ETF1: variants seen among roughly 807,000 people sequenced by gnomAD.
The protein encoded by ETF1 is eukaryotic translation termination factor 1.
In ETF1, 4 loss-of-function variants were observed where a neutral mutation model predicts 55.1. The ratio of observed to expected loss-of-function variants is 0.07; its 90% confidence interval spans 0.04 to 0.17. The LOEUF is 0.17. Among genes scored for constraint, ETF1 ranks in the 10% least tolerant of loss-of-function variants. ETF1 has a pLI of 1.00. For synonymous variants in ETF1, 157 were observed against 182.3 expected (o/e 0.86, Z 1.12); for missense variants, 142 against 523.6 (o/e 0.27, Z 7.11).
At chr5:138,542,650 G>A (rs372136260) in intron 2 of ETF1, 183 bp downstream of exon 2, 3 of 1,430,598 alleles carry the variant, frequency 2.1e-6, no homozygotes, top group Admixed American at 5.6e-5. Context: ...GCGGGGAAAG[G>A]ACCCCTTCTC....
chr5:138,521,025 T>C (rs1765211862), intron 2 of ETF1, among the ~76,000 whole-genome samples: 1 of 152,126 alleles, frequency 6.6e-6, no homozygotes, highest in African/African-American at 2.4e-5. Context: ...AGCGGGGACT[T>C]ACACACCAAT....
In ETF1 at chr5:138,518,740, G is replaced by A. The variant is rs867170413; in HGVS notation, c.214C>T (p.Leu72=). The A allele has an allele frequency of 6.2e-7, 1 of 1,613,644 alleles. No homozygotes were observed. The highest frequency in any genetic ancestry group is 8.5e-7 in the Non-Finnish European group (1 of 1,179,568). ...TGTTGTACAGATGTAATGGCTCCCAGGACTGAAAGGCGGTTTACTCGTGAC... is the reference window on the plus strand; with the variant it reads ...TGTTGTACAGATGTAATGGCTCCCAAGACTGAAAGGCGGTTTACTCGTGAC... ...IKSRVNRLSV[L]GAITSVQQRL... The change falls in exon 3 of 11, where the codon CTG becomes TTG. Residue 72 remains leucine (L), a synonymous_variant. Coordinates refer to ENST00000360541, the MANE Select transcript of ETF1 (RefSeq NM_004730.4).
At chr5:138,512,225 AAT>A (rs71867448) in intron 6 of ETF1, among the ~76,000 whole-genome samples, 22 of 44,126 alleles carry the variant, frequency 5.0e-4, no homozygotes, top group African/African-American at 1.8e-3. Flanking sequence ...AAAAAAAAAA[AAT>A]ATATATATAT....
In ETF1 at chr5:138,543,050, T is replaced by G. The variant is rs1766254488; in HGVS notation, c.-19+47A>C. 3.3e-6 allele frequency: 3 copies of G among 898,982 alleles called. No homozygotes were observed. In the South Asian group the frequency reaches 4.8e-5, roughly 14 times the overall value. 55.7% of individuals were successfully genotyped at this position (898,982 alleles called of 1,614,324 possible). A position where few individuals can be genotyped will look rare whatever the true frequency, so the allele number is the denominator to read the frequency against. On this transcript the variant is annotated intron_variant, in intron 1 of 10. Transcript: ENST00000360541. ...CCAGAGGCCCTCTCCTCCCGTCCGG[T>G]GCAGCTCGCCACAAAGGTCACCGGC... is the stretch of plus-strand genomic sequence containing the variant.
At chr5:138,542,379 G>A (rs944831463) in intron 2 of ETF1, among the ~76,000 whole-genome samples, 3 of 152,176 alleles carry the variant, frequency 2.0e-5, no homozygotes, top group Non-Finnish European at 1.5e-5. Flanking sequence ...ACCCACCCGG[G>A]TCTCAGAAGC....
intron 2 of ETF1, among the ~76,000 whole-genome samples, chr5:138,536,333 A>C (rs1054170025): frequency 2.0e-5 from 3 of 152,234 alleles, no homozygotes; most frequent in African/African-American, 7.2e-5. Flanking sequence ...GTTGCCAGGC[A>C]CCTGAAAATG....
chr5:138,532,362 A>T (rs1186271894), intron 2 of ETF1, among the ~76,000 whole-genome samples: 1 of 152,210 alleles, frequency 6.6e-6, no homozygotes, highest in Admixed American at 6.5e-5. Flanking sequence ...GTGTGACCGA[A>T]GGCAAACCAC....
intron 8 of ETF1, 177 bp downstream of exon 8, chr5:138,510,868 C>A: frequency 2.3e-6 from 2 of 876,620 alleles, no homozygotes; most frequent in Non-Finnish European, 2.7e-6. Flanking sequence ...CTTAAGCAGA[C>A]GTTAAACAGT....
intron 6 of ETF1, among the ~76,000 whole-genome samples, chr5:138,512,225 A>AATATATATAT (rs71867448): frequency 2.3e-5 from 1 of 44,128 alleles, no homozygotes; most frequent in African/African-American, 1.3e-4. Context: ...AAAAAAAAAA[A>AATATATATAT]ATATATATAT....
chr5:138,534,476 T>C (rs571068578), intron 2 of ETF1, among the ~76,000 whole-genome samples: 1 of 152,364 alleles, frequency 6.6e-6, no homozygotes, highest in East Asian at 1.9e-4. Flanking sequence ...CTTTCTAATA[T>C]ACGAATGAGC....
At chr5:138,512,267 T>A (rs866168336) in intron 6 of ETF1, among the ~76,000 whole-genome samples, 3,053 of 21,866 alleles carry the variant, frequency 0.14, 130 homozygotes, top group Middle Eastern at 0.28. Flanking sequence ...TATTTTTTTT[T>A]TTTTTTAAAG....
At chr5:138,519,098 T>C in intron 2 of ETF1, 8 of 984,866 alleles carry the variant, frequency 8.1e-6, no homozygotes, top group Non-Finnish European at 9.6e-6. Flanking sequence ...GTAAGTTATG[T>C]AAAGAATACA....
intron 4 of ETF1, among the ~76,000 whole-genome samples, chr5:138,516,918 T>C (rs765901318): frequency 4.6e-5 from 7 of 152,156 alleles, no homozygotes; most frequent in Admixed American, 4.6e-4. Flanking sequence ...AACGAGAAGC[T>C]ATATAAAATA....
At chr5:138,528,348 C>T (rs937262165) in intron 2 of ETF1, among the ~76,000 whole-genome samples, 2 of 152,128 alleles carry the variant, frequency 1.3e-5, no homozygotes, top group African/African-American at 4.8e-5. Context: ...AAAGCAATGA[C>T]CTTAAGATAA....
At chr5:138,531,763 G>A (rs1477818094) in intron 2 of ETF1, among the ~76,000 whole-genome samples, 1 of 152,084 alleles carries the variant, frequency 6.6e-6, no homozygotes, top group Non-Finnish European at 1.5e-5. Flanking sequence ...ATCTCAGCCA[G>A]AGGCCAGGTG....
At chr5:138,518,383 G>C (rs1008701643) in intron 3 of ETF1, among the ~76,000 whole-genome samples, 2 of 151,998 alleles carry the variant, frequency 1.3e-5, no homozygotes, top group East Asian at 1.9e-4. Flanking sequence ...GCTAACTTTT[G>C]TATTTTTTGT....
In ETF1 at chr5:138,538,275, C is replaced by T. The variant is rs1487699053; in HGVS notation, c.86+4558G>A. The stretch of plus-strand genomic sequence containing the variant: ...CGGAATCCCGGCTCACTGCAACCTA[C>T]GCCTCCAAGGTTCAAGCATTTCTCC... On this transcript the variant is annotated intron_variant, in intron 2 of 10. Coordinates refer to ENST00000360541, the MANE Select transcript of ETF1 (RefSeq NM_004730.4). 2.2e-5 allele frequency among the ~76,000 whole-genome samples: 3 copies of T among 136,416 alleles called. 1 individual carries two copies. The highest frequency in any genetic ancestry group is 7.0e-5 in the Admixed American group (1 of 14,210). 89.5% of individuals were successfully genotyped at this position (136,416 alleles called of 152,430 possible).
intron 3 of ETF1, among the ~76,000 whole-genome samples, chr5:138,518,428 G>C (rs1213851930): frequency 6.6e-6 from 1 of 152,000 alleles, no homozygotes; most frequent in Non-Finnish European, 1.5e-5. Context: ...GTCCAGGCTG[G>C]TCTCGAACTC....
chr5:138,513,262 C>G, intron 5 of ETF1: 1 of 938,590 alleles, frequency 1.1e-6, no homozygotes, highest in Non-Finnish European at 1.3e-6. Flanking sequence ...GACAGAGTCT[C>G]ACTCTGTCGC....
Sources: gnomAD v4.1 joint callset for allele counts (sites outside exome capture counted in the v4.1 genomes callset) on GRCh38, gnomAD v4.1.1 for gene constraint, MANE v1.5 for transcripts, NCBI Gene and HGNC (gene_info 2026-07-23, HGNC 2026-07-21) for gene names.